CKAP5: variants seen among roughly 807,000 people sequenced by gnomAD.
CKAP5 encodes cytoskeleton-associated protein 5.
Under a neutral mutation model 232.8 loss-of-function variants are expected in CKAP5, and 27 were observed. The observed-to-expected ratio is 0.12, with a 90% CI of 0.09 to 0.16. The LOEUF is 0.16. Ranked by LOEUF, CKAP5 falls within the 10% of genes least tolerant of loss-of-function variation. The pLI is 1.00. For synonymous variants in CKAP5, 785 were observed against 841.1 expected (o/e 0.93, Z 1.16); for missense variants, 1,838 against 2,424.7 (o/e 0.76, Z 5.08).
At position 46,750,343 on chromosome 11, in the gene CKAP5, A is replaced by C. The variant is rs758282112; in HGVS notation, c.5635T>G (p.Tyr1879Asp). The part of the protein sequence containing the change: ...LKNSSQFFQS[Y>D]VERGLRVIEM... ...ATCACCCGAAGGCCTCTTTCGACAT[A>C]GCTCTGGAAGAACTGTGAGGAATTT... The change falls in exon 42 of 44, where the codon TAT becomes GAT. Residue 1879 changes from tyrosine to aspartate, a missense_variant. Tyr to Asp is a radical substitution (Grantham distance 160, BLOSUM62 -3). Transcript: ENST00000529230. 6.2e-7 allele frequency: 1 copy of C among 1,614,134 alleles called. No individual in the cohort carries two copies. The highest frequency in any genetic ancestry group is 1.1e-5 in the South Asian group (1 of 91,074).
At chr11:46,773,243 G>T (rs2065262950) in intron 24 of CKAP5, among the ~76,000 whole-genome samples, 2 of 151,376 alleles carry the variant, frequency 1.3e-5, no homozygotes, top group South Asian at 2.1e-4. Flanking sequence ...ATGGATTTTT[G>T]AATGTTCTAT....
intron 1 of CKAP5, among the ~76,000 whole-genome samples, chr11:46,842,966 CAAAAAAA>C (rs60343444): frequency 2.0e-4 from 8 of 39,430 alleles, no homozygotes; most frequent in African/African-American, 4.6e-4. Flanking sequence ...GACTCCGTCT[CAAAAAAA>C]AAAAAAAAAA....
intron 42 of CKAP5, among the ~76,000 whole-genome samples, chr11:46,748,249 G>A (rs1006400311): frequency 2.0e-5 from 3 of 152,114 alleles, no homozygotes; most frequent in Non-Finnish European, 2.9e-5. Flanking sequence ...AAAGAACAGA[G>A]GAAGGCAGGG....
chr11:46,771,664 A>G (rs2065248695), intron 24 of CKAP5, among the ~76,000 whole-genome samples: 1 of 152,202 alleles, frequency 6.6e-6, no homozygotes, highest in Non-Finnish European at 1.5e-5. Flanking sequence ...GTTTTTGGCT[A>G]TTATGCAGTA....
At chr11:46,821,549 C>A (rs897750824) in intron 1 of CKAP5, among the ~76,000 whole-genome samples, 2 of 151,828 alleles carry the variant, frequency 1.3e-5, no homozygotes, top group South Asian at 4.2e-4. Flanking sequence ...CTCAGCCTCC[C>A]GAGTAGCCGG....
intron 8 of CKAP5, among the ~76,000 whole-genome samples, chr11:46,805,058 C>G (rs896157975): frequency 6.6e-6 from 1 of 150,402 alleles, no homozygotes; most frequent in Non-Finnish European, 1.5e-5. Flanking sequence ...GAAACCCTGT[C>G]TCTACTAAAA....
intron 16 of CKAP5, 68 bp from the exon 17 acceptor site, chr11:46,784,741 C>T: frequency 8.9e-7 from 1 of 1,125,972 alleles, no homozygotes; most frequent in Non-Finnish European, 1.3e-6. Context: ...CTTGTATTAA[C>T]AGCATGTAAC....
chr11:46,788,800 T>G (rs1256940642), intron 15 of CKAP5, 27 bp from the exon 16 acceptor site: 5 of 1,505,734 alleles, frequency 3.3e-6, no homozygotes, highest in African/African-American at 1.4e-5. Flanking sequence ...AGAATAAGAG[T>G]TTAAGGGTTA....
At chr11:46,832,639 C>G (rs1377276363) in intron 1 of CKAP5, among the ~76,000 whole-genome samples, 1 of 152,218 alleles carries the variant, frequency 6.6e-6, no homozygotes, top group East Asian at 1.9e-4. Flanking sequence ...CTAAGCACTT[C>G]ACATGTATTT....
Position 46,763,192 on chromosome 11 carries a change from CA to C in CKAP5, c.3688-14del. 6.5e-7 allele frequency: 1 copy of C among 1,543,800 alleles called. No homozygotes were observed. Among genetic ancestry groups the C allele is most frequent in the East Asian group, 2.2e-5 (1 of 44,492 alleles). ...CACTCTCCAAGTGCTTAAAATAAAA[CA>C]AAACAAAACTCCCACAAATAAGAAT... On this transcript the variant is annotated splice_polypyrimidine_tract_variant and intron_variant, in intron 29 of 43. Coordinates refer to ENST00000529230, the MANE Select transcript of CKAP5 (RefSeq NM_001008938.4).
At chr11:46,782,955 T>C (rs970619365) in intron 18 of CKAP5, among the ~76,000 whole-genome samples, 4 of 152,346 alleles carry the variant, frequency 2.6e-5, no homozygotes, top group Admixed American at 2.6e-4. Flanking sequence ...AGGCATACTA[T>C]AGGTCTTTAA....
chr11:46,808,241 T>C (rs1173403917), intron 7 of CKAP5, 97 bp from the exon 8 acceptor site: 15 of 871,506 alleles, frequency 1.7e-5, no homozygotes, highest in Non-Finnish European at 2.3e-5. Flanking sequence ...ACATAATTTT[T>C]TTAAAAAATT....
At chr11:46,828,547 G>A (rs1324284985) in intron 1 of CKAP5, among the ~76,000 whole-genome samples, 1 of 152,054 alleles carries the variant, frequency 6.6e-6, no homozygotes, top group Non-Finnish European at 1.5e-5. Context: ...TACAAAATAA[G>A]TACCCAACAA....
chr11:46,748,674 CA>C (rs1171621327), intron 42 of CKAP5, among the ~76,000 whole-genome samples: 1 of 151,938 alleles, frequency 6.6e-6, no homozygotes, highest in Non-Finnish European at 1.5e-5. Context: ...GAGGCTGAGG[CA>C]GGAGAATTGC....
At chr11:46,779,279 C>T (rs1482049548) in intron 20 of CKAP5, among the ~76,000 whole-genome samples, 4 of 151,858 alleles carry the variant, frequency 2.6e-5, no homozygotes, top group African/African-American at 7.3e-5. Context: ...GATTCCAGGG[C>T]GTGCTACCAC....
intron 27 of CKAP5, 149 bp from the exon 28 acceptor site, chr11:46,765,405 GTA>G: frequency 1.4e-6 from 1 of 705,710 alleles, no homozygotes; most frequent in Non-Finnish European, 2.1e-6. Context: ...ACAGAATCTT[GTA>G]TATGTTTTTG....
chr11:46,828,854 G>A (rs971743992), intron 1 of CKAP5, among the ~76,000 whole-genome samples: 1 of 152,082 alleles, frequency 6.6e-6, no homozygotes, highest in Non-Finnish European at 1.5e-5. Flanking sequence ...CCAAAGATGG[G>A]GTGGGGGTGT....
intron 1 of CKAP5, among the ~76,000 whole-genome samples, chr11:46,832,253 A>C (rs888312908): frequency 1.3e-5 from 2 of 152,200 alleles, no homozygotes; most frequent in Non-Finnish European, 2.9e-5. Context: ...TTTCAAAGTG[A>C]AAAAAATCAC....
intron 42 of CKAP5, among the ~76,000 whole-genome samples, chr11:46,747,085 C>T (rs2065028082): frequency 1.3e-5 from 2 of 151,854 alleles, no homozygotes; most frequent in African/African-American, 2.4e-5. Flanking sequence ...TGCAGTGAGC[C>T]GAGATCGTCA....
Sources: allele counts gnomAD v4.1 joint callset (sites outside exome capture counted in the v4.1 genomes callset), GRCh38; gene constraint gnomAD v4.1.1; transcripts MANE v1.5; gene names NCBI Gene and HGNC (gene_info 2026-07-23, HGNC 2026-07-21).